The following CDK5RAP2 variants were observed in gnomAD, a reference collection of about 807,000 sequenced individuals.
CDK5RAP2 encodes CDK5 regulatory subunit associated protein 2.
In CDK5RAP2, 147 loss-of-function variants were observed where a neutral mutation model predicts 232.9. That is an observed-to-expected ratio of 0.63 (90% CI 0.55 to 0.72). The LOEUF (loss-of-function observed/expected upper bound fraction) is 0.72, where lower values mean the gene tolerates loss of function less well. Ranked by LOEUF, CDK5RAP2 falls within the 30% of genes least tolerant of loss-of-function variation. CDK5RAP2 has a pLI of 0.00. For missense variants in CDK5RAP2, 2,195 were observed against 2,231.5 expected, an observed-to-expected ratio of 0.98 and a Z score of 0.33; for synonymous variants, 833 against 833.7, an observed-to-expected ratio of 1.00 and a Z score of 0.01.
rs367746734 is a variant in CDK5RAP2 at position 120,536,453 on chromosome 9, C to T, written c.581G>A (p.Arg194His). The T allele has an allele frequency of 3.5e-5, 56 of 1,614,038 alleles. No individual in the cohort carries two copies. The highest frequency in any genetic ancestry group is 3.3e-4 in the Middle Eastern group (2 of 6,084). Residue 194 changes from arginine to histidine, a missense_variant, in exon 7 of 38, where the codon CGT becomes CAT. Arg to His is a conservative substitution (Grantham distance 29). Transcript: ENST00000349780. ...GTETEKALRL[R>H]LESKLSEMKK... ...CATCTCTGAAAGCTTGCTTTCCAAA[C>T]GCAACCGAAGAGCCTTCTCCGTCTC...
In CDK5RAP2 at chr9:120,458,555, G is replaced by A. The variant is rs768926303; in HGVS notation, c.2270C>T (p.Ser757Leu). 2.6e-5 allele frequency: 42 copies of A among 1,613,982 alleles called. No individual in the cohort carries two copies. The highest frequency in any genetic ancestry group is 3.3e-5 in the Non-Finnish European group (39 of 1,179,990). The change falls in exon 20 of 38, where the codon TCA becomes TTA. Residue 757 changes from serine to leucine, a missense_variant. Ser to Leu is a moderately radical substitution (Grantham distance 145). Coordinates refer to ENST00000349780, the MANE Select transcript of CDK5RAP2 (RefSeq NM_018249.6). The stretch of plus-strand genomic sequence containing the variant: ...AGGTGCGTGGGCCCCATCACAATCT[G>A]AAATCTTAGACTCCGTGTGCCTTAA... The part of the protein sequence containing the change: ...GYLRHTESKI[S>L]DCDGAHAPGC...
intron 25 of CDK5RAP2, among the ~76,000 whole-genome samples, chr9:120,436,658 TA>T (rs1245715343): frequency 2.0e-5 from 3 of 152,012 alleles, no homozygotes; most frequent in Admixed American, 2.0e-4. Flanking sequence ...AGAAAGATAA[TA>T]ATAGAGCGCG....
chr9:120,443,496 G>T, intron 23 of CDK5RAP2, 124 bp downstream of exon 23: 1 of 1,137,296 alleles, frequency 8.8e-7, no homozygotes, highest in Non-Finnish European at 1.3e-6. Context: ...CCATGTGTTA[G>T]ACTGGAATGA....
At chr9:120,518,222 AGAGAG>A (rs1564327982) in intron 12 of CDK5RAP2, among the ~76,000 whole-genome samples, 200 bp downstream of exon 12, 218 of 145,578 alleles carry the variant, frequency 1.5e-3, no homozygotes, top group African/African-American at 5.8e-3. Context: ...AGAGAGAGAG[AGAGAG>A]AGAGAGAGAG....
intron 15 of CDK5RAP2, among the ~76,000 whole-genome samples, chr9:120,474,240 A>G (rs926289888): frequency 2.0e-5 from 3 of 152,212 alleles, no homozygotes; most frequent in Admixed American, 2.0e-4. Flanking sequence ...TTCCTTCCAC[A>G]TACTCTAACA....
intron 13 of CDK5RAP2, 127 bp downstream of exon 13, chr9:120,491,180 A>T: frequency 1.3e-6 from 1 of 769,092 alleles, no homozygotes. Flanking sequence ...TGACATAATT[A>T]AAGCTCTAAA....
In CDK5RAP2 at chr9:120,518,435, T is replaced by C. The variant is rs770055665; in HGVS notation, c.1303A>G (p.Thr435Ala). The change falls in exon 12 of 38, where the codon ACC becomes GCC. Residue 435 changes from threonine to alanine, a missense_variant. Coordinates refer to ENST00000349780, the MANE Select transcript of CDK5RAP2 (RefSeq NM_018249.6). ...GGCAGGGCGGTACTCACACGGATGG[T>C]GCAGTCTCCTTTGCTCTTCTCTCGA... The part of the protein sequence containing the change: ...AHREKSKGDC[T>A]IRDLRNEVEK... 1.9e-6 allele frequency: 3 copies of C among 1,613,194 alleles called. No homozygotes were observed. The highest frequency in any genetic ancestry group is 3.5e-4 in the Middle Eastern group (2 of 5,760).
At chr9:120,489,809 CTTTT>C (rs796201909) in intron 13 of CDK5RAP2, among the ~76,000 whole-genome samples, 1 of 138,284 alleles carries the variant, frequency 7.2e-6, no homozygotes, top group Non-Finnish European at 1.6e-5. Flanking sequence ...TTTGTCTTTC[CTTTT>C]TTTTTTTTTT....
At chr9:120,568,518 CTT>C (rs1460763121) in intron 2 of CDK5RAP2, 130 bp from the exon 3 acceptor site, 1 of 769,284 alleles carries the variant, frequency 1.3e-6, no homozygotes, top group African/African-American at 1.7e-5. Context: ...TACTTGCTGT[CTT>C]TTGTGATTTA....
At chr9:120,457,703 C>T (rs963988419) in intron 20 of CDK5RAP2, among the ~76,000 whole-genome samples, 4 of 152,224 alleles carry the variant, frequency 2.6e-5, no homozygotes, top group Non-Finnish European at 4.4e-5. Flanking sequence ...CAATCATTAC[C>T]GTTCCATTTC....
chr9:120,452,882 G>C (rs987048570), intron 21 of CDK5RAP2, among the ~76,000 whole-genome samples: 8 of 152,090 alleles, frequency 5.3e-5, no homozygotes, highest in African/African-American at 1.7e-4. Context: ...CCAGATCTTT[G>C]ATGAGTGTTG....
intron 12 of CDK5RAP2, among the ~76,000 whole-genome samples, chr9:120,518,216 A>T (rs898991710): frequency 0.013 from 1,560 of 116,428 alleles, 17 homozygotes; most frequent in Admixed American, 0.044. Flanking sequence ...TGTGTGAGAG[A>T]GAGAGAGAGA....
At chr9:120,539,207 T>C (rs1386667331) in intron 5 of CDK5RAP2, 43 bp from the exon 6 acceptor site, 2 of 1,612,672 alleles carry the variant, frequency 1.2e-6, no homozygotes, top group Non-Finnish European at 8.5e-7. Context: ...AGGGTGATGG[T>C]CTGATGGTTA....
chr9:120,408,147 C>T, intron 31 of CDK5RAP2, 200 bp downstream of exon 31: 1 of 669,482 alleles, frequency 1.5e-6, no homozygotes, highest in Non-Finnish European at 2.6e-6. Flanking sequence ...GGCCTGGGTG[C>T]TGAGCCTCAG....
rs1257532258 is a variant in CDK5RAP2 at position 120,458,492 on chromosome 9, G to A, written c.2333C>T (p.Ala778Val). ...TGTGGCCTTCTCATTGAACAAAGGGGCAAGCAGGTTTATGAATGCACCTTC... is the reference window on the plus strand; with the variant it reads ...TGTGGCCTTCTCATTGAACAAAGGGACAAGCAGGTTTATGAATGCACCTTC... ...LEEGAFINLLAPLFNEKATLL... is the reference protein window; with the variant it reads ...LEEGAFINLLVPLFNEKATLL... The change falls in exon 20 of 38, where the codon GCC (alanine) becomes GTC (valine). Residue 778 changes from alanine to valine, a missense_variant. Physicochemically the swap from Ala to Val is moderately conservative, Grantham distance 64. Coordinates refer to ENST00000349780, the MANE Select transcript of CDK5RAP2 (RefSeq NM_018249.6). 6.2e-7 allele frequency: 1 copy of A among 1,614,046 alleles called. No homozygotes were observed. The highest frequency in any genetic ancestry group is 8.5e-7 in the Non-Finnish European group (1 of 1,180,032).
At chr9:120,427,974 A>G (rs1218382694) in intron 25 of CDK5RAP2, among the ~76,000 whole-genome samples, 3 of 152,210 alleles carry the variant, frequency 2.0e-5, no homozygotes, top group Non-Finnish European at 4.4e-5. Context: ...GCTCAACTAC[A>G]TGGAAACTGA....
chr9:120,391,531 T>C (rs2031977607), intron 36 of CDK5RAP2, among the ~76,000 whole-genome samples: 1 of 152,154 alleles, frequency 6.6e-6, no homozygotes. Context: ...TTTCCAACGG[T>C]GGCCTCACTG....
intron 24 of CDK5RAP2, among the ~76,000 whole-genome samples, chr9:120,437,925 C>T (rs904990016): frequency 2.6e-5 from 4 of 152,286 alleles, no homozygotes; most frequent in South Asian, 2.1e-4. Flanking sequence ...GAAAAAAAGA[C>T]AGGACTCTCT....
chr9:120,413,852 G>T (rs541454655), intron 28 of CDK5RAP2, among the ~76,000 whole-genome samples: 77 of 151,714 alleles, frequency 5.1e-4, no homozygotes, highest in African/African-American at 1.8e-3. Flanking sequence ...GGAAGGAGGA[G>T]GGAGGGAGAG....
Sources: allele counts gnomAD v4.1 joint callset (sites outside exome capture counted in the v4.1 genomes callset), GRCh38; gene constraint gnomAD v4.1.1; transcripts MANE v1.5; gene names NCBI Gene and HGNC (gene_info 2026-07-23, HGNC 2026-07-21).